The following SNRNP40 variants were observed in gnomAD, a reference collection of about 807,000 sequenced individuals.
SNRNP40 encodes the protein small nuclear ribonucleoprotein U5 subunit 40.
A neutral mutation model predicts 45.8 loss-of-function variants in SNRNP40; 21 were observed. The observed-to-expected ratio is 0.46, with a 90% CI of 0.32 to 0.66. The LOEUF is 0.66. Among genes scored for constraint, SNRNP40 ranks in the 30% least tolerant of loss-of-function variants. The pLI, the probability that SNRNP40 is intolerant of heterozygous loss-of-function variation, is 0.03. For missense variants in SNRNP40, 344 were observed against 439.1 expected, an observed-to-expected ratio of 0.78 and a Z score of 1.94; for synonymous variants, 142 against 163.8, an observed-to-expected ratio of 0.87 and a Z score of 1.01.
In SNRNP40 at chr1:31,259,830, G is replaced by GAAA; in HGVS notation, c.*239_*241dup. 7.4e-6 allele frequency: 4 copies of GAAA among 538,326 alleles called. No homozygotes were observed. Among genetic ancestry groups the GAAA allele is most frequent in the Admixed American group, 2.7e-5 (1 of 37,310 alleles). The allele number at this position is 538,326 out of a possible 1,614,324, so 33.3% of individuals were successfully genotyped here. A position where few individuals can be genotyped will look rare whatever the true frequency, so the allele number is the denominator to read the frequency against. ...ATTAGAAAACAGGAAAAAAGAAAAA[G>GAAA]AAAAAAAAAAACAGTCCCTGAAATC... On this transcript the variant is annotated 3_prime_UTR_variant, in exon 10 of 10. Transcript: ENST00000263694.
At chr1:31,268,286 GTT>G (rs200339347) in intron 7 of SNRNP40, among the ~76,000 whole-genome samples, 1 of 117,618 alleles carries the variant, frequency 8.5e-6, no homozygotes, top group Non-Finnish European at 1.9e-5. Flanking sequence ...TAAATTTTGG[GTT>G]TTTTTTTTTT....
chr1:31,289,305 G>A lies in SNRNP40; in HGVS notation c.480C>T (p.Ala160=), dbSNP rs1252279363. Residue 160 remains alanine, a synonymous_variant, in exon 4 of 10, where the codon GCC becomes GCT. Transcript: ENST00000263694. The part of the protein sequence containing the change: ...HTSFVNSCYP[A]RRGPQLVCTG... ...TGCAGACAAGCTGAGGGCCTCTCCT[G>A]GCTGGATAACAGGAATTCACAAAGG... is the stretch of plus-strand genomic sequence containing the variant. The A allele has an allele frequency of 1.2e-6, 2 of 1,613,848 alleles. No individual in the cohort carries two copies. Among genetic ancestry groups the A allele is most frequent in the Non-Finnish European group, 1.7e-6 (2 of 1,179,888 alleles).
chr1:31,291,804 C>A, intron 3 of SNRNP40, 109 bp downstream of exon 3: 1 of 733,292 alleles, frequency 1.4e-6, no homozygotes, highest in East Asian at 2.6e-5. Context: ...AAAGTAGCTA[C>A]CCAAAATTAG....
At chr1:31,286,446 T>A (rs1475517798) in intron 4 of SNRNP40, among the ~76,000 whole-genome samples, 1 of 152,138 alleles carries the variant, frequency 6.6e-6, no homozygotes, top group Non-Finnish European at 1.5e-5. Flanking sequence ...GTGTGACTCT[T>A]CCTTAACCAA....
intron 5 of SNRNP40, among the ~76,000 whole-genome samples, chr1:31,276,062 A>C (rs1282708478): frequency 6.6e-6 from 1 of 152,230 alleles, no homozygotes; most frequent in Non-Finnish European, 1.5e-5. Context: ...TACTGTAATA[A>C]TAAAAAAATG....
chr1:31,296,597 G>C lies in SNRNP40; in HGVS notation c.141+14C>G, dbSNP rs1404516828. 1.2e-6 allele frequency: 2 copies of C among 1,604,516 alleles called. No homozygotes were observed. The highest frequency in any genetic ancestry group is 1.7e-6 in the Non-Finnish European group (2 of 1,175,714). ...ATGAGCTGAGGGCCAAAGGCCGCCT[G>C]CTTCTTCACTTACCGCTTGCAGCAA... On this transcript the variant is annotated intron_variant, in intron 1 of 9. Transcript: ENST00000263694.
At chr1:31,291,421 G>T (rs1646106815) in intron 3 of SNRNP40, among the ~76,000 whole-genome samples, 1 of 152,156 alleles carries the variant, frequency 6.6e-6, no homozygotes, top group Non-Finnish European at 1.5e-5. Flanking sequence ...GGCCAGGCAT[G>T]GTGGTTAATT....
chr1:31,289,848 TC>T (rs1646090241), intron 3 of SNRNP40, among the ~76,000 whole-genome samples: 1 of 152,194 alleles, frequency 6.6e-6, no homozygotes, highest in South Asian at 2.1e-4. Context: ...CCAAAGTTTT[TC>T]TTTTGTCTCT....
chr1:31,269,414 G>A, intron 6 of SNRNP40, 174 bp from the exon 7 acceptor site: 3 of 1,360,296 alleles, frequency 2.2e-6, no homozygotes, highest in Admixed American at 3.6e-5. Flanking sequence ...TTTTCAAGCA[G>A]GAAAACACAT....
At position 31,267,877 on chromosome 1, in the gene SNRNP40, G is replaced by A. The variant is rs1645910582; in HGVS notation, c.914C>T (p.Ala305Val). The change falls in exon 8 of 10, where the codon GCC (alanine) becomes GTC (valine). Residue 305 changes from alanine (A) to valine (V), a missense_variant. Ala to Val is a moderately conservative substitution (Grantham distance 64, BLOSUM62 0). Transcript: ENST00000263694. ...TGCACCCACTAATCCTTACCTGTCG[G>A]CTGAGCCAGCTGCTATTTTGCTTCC... ...PDGSKIAAGS[A>V]DRFVYVWDTT... 37 of 1,612,108 alleles carry A rather than the reference G, an allele frequency of 2.3e-5. No homozygotes were observed. Among genetic ancestry groups the A allele is most frequent in the Non-Finnish European group, 3.1e-5 (37 of 1,178,376 alleles).
intron 3 of SNRNP40, among the ~76,000 whole-genome samples, 194 bp downstream of exon 3, chr1:31,291,719 C>T (rs1273483911): frequency 1.3e-5 from 2 of 152,058 alleles, no homozygotes; most frequent in Admixed American, 1.3e-4. Flanking sequence ...TTGAAATGAC[C>T]GATGTAACAT....
At chr1:31,260,924 G>C in intron 9 of SNRNP40, 1 of 920,278 alleles carries the variant, frequency 1.1e-6, no homozygotes, top group Non-Finnish European at 1.4e-6. Context: ...CAGACTTGAT[G>C]GAAGTAAATT....
intron 5 of SNRNP40, among the ~76,000 whole-genome samples, 198 bp from the exon 6 acceptor site, chr1:31,271,697 G>A (rs750204755): frequency 6.6e-6 from 1 of 151,220 alleles, no homozygotes; most frequent in Non-Finnish European, 1.5e-5. Flanking sequence ...GTTGCCCAGT[G>A]CAGTGGCACT....
rs370377507 is a variant in SNRNP40 at position 31,295,475 on chromosome 1, T to C, written c.141+1136A>G. ...TGGGCAAATATTCGCAGGAGCTGAATAGTAAACCATGTAAACATTTGTGAA... is the reference window on the plus strand; with the variant it reads ...TGGGCAAATATTCGCAGGAGCTGAACAGTAAACCATGTAAACATTTGTGAA... On this transcript the variant is annotated intron_variant, in intron 1 of 9. Coordinates refer to ENST00000263694, the MANE Select transcript of SNRNP40 (RefSeq NM_004814.3). 1.3e-4 allele frequency among the ~76,000 whole-genome samples: 20 copies of C among 152,306 alleles called. No homozygotes were observed. The South Asian group carries it at 4.1e-3, about 32-fold the overall frequency.
At chr1:31,267,469 T>C (rs1033825186) in intron 8 of SNRNP40, among the ~76,000 whole-genome samples, 1 of 152,228 alleles carries the variant, frequency 6.6e-6, no homozygotes, top group Non-Finnish European at 1.5e-5. Context: ...TAACTCTATG[T>C]CTGCTCTAGC....
chr1:31,269,532 A>C (rs1018365952), intron 6 of SNRNP40: 1 of 556,692 alleles, frequency 1.8e-6, no homozygotes, highest in Non-Finnish European at 2.7e-6. Context: ...TAATTTCAAA[A>C]AGATATTTTG....
intron 9 of SNRNP40, chr1:31,261,009 T>A: frequency 7.8e-7 from 1 of 1,279,750 alleles, no homozygotes; most frequent in South Asian, 1.3e-5. Flanking sequence ...CTCTCACCAC[T>A]TATGAGCAAT....
At chr1:31,278,202 A>C (rs1354713877) in intron 5 of SNRNP40, among the ~76,000 whole-genome samples, 1 of 152,146 alleles carries the variant, frequency 6.6e-6, no homozygotes, top group East Asian at 1.9e-4. Flanking sequence ...CTTTTATTTA[A>C]GCTGTGAGAA....
At chr1:31,289,789 G>A (rs1314336204) in intron 3 of SNRNP40, among the ~76,000 whole-genome samples, 1 of 152,200 alleles carries the variant, frequency 6.6e-6, no homozygotes, top group Non-Finnish European at 1.5e-5. Context: ...AGATCAGACA[G>A]ACTGTGGTAC....
Sources: gnomAD v4.1 joint callset for allele counts (sites outside exome capture counted in the v4.1 genomes callset) on GRCh38, gnomAD v4.1.1 for gene constraint, MANE v1.5 for transcripts, NCBI Gene and HGNC (gene_info 2026-07-23, HGNC 2026-07-21) for gene names.